The following AVEN variants were observed in gnomAD, a reference collection of about 807,000 sequenced individuals.
AVEN encodes cell death regulator Aven.
A neutral mutation model predicts 38.1 loss-of-function variants in AVEN; 41 were observed. That is an observed-to-expected ratio of 1.08 (90% confidence interval 0.84 to 1.40). The LOEUF (loss-of-function observed/expected upper bound fraction) is 1.40. Ranked by LOEUF, AVEN falls within the 40% of genes most tolerant of loss-of-function variation. AVEN has a pLI of 0.00. For synonymous variants in AVEN, 206 were observed against 171.8 expected (o/e 1.20, Z -1.56); for missense variants, 605 against 438.8 (o/e 1.38, Z -3.38).
intron 1 of AVEN, among the ~76,000 whole-genome samples, chr15:34,037,721 T>C (rs931413653): frequency 1.3e-4 from 20 of 152,040 alleles, no homozygotes; most frequent in African/African-American, 4.8e-4. Flanking sequence ...ATCTTAATCC[T>C]AACAAGATTT....
At chr15:34,003,767 T>C (rs1897227649) in intron 1 of AVEN, among the ~76,000 whole-genome samples, 1 of 152,238 alleles carries the variant, frequency 6.6e-6, no homozygotes, top group South Asian at 2.1e-4. Flanking sequence ...ACTACATTTA[T>C]ACATAAGATT....
Position 33,995,106 on chromosome 15 carries a change from T to G in AVEN, c.445+7926A>C, listed in dbSNP as rs544022981. 1.7e-4 allele frequency among the ~76,000 whole-genome samples: 26 copies of G among 151,926 alleles called. No individual in the cohort carries two copies. In the South Asian group the frequency reaches 5.2e-3, roughly 30 times the overall value. On this transcript the variant is annotated intron_variant, in intron 2 of 5. Coordinates refer to ENST00000306730, the MANE Select transcript of AVEN (RefSeq NM_020371.3). Reference sequence around the variant, plus strand: ...GCAAGGTCCTGTCTCTACAAAAAAATGAAGAAATCAGCCAGGTGTGGGTGG... The same window carrying G: ...GCAAGGTCCTGTCTCTACAAAAAAAGGAAGAAATCAGCCAGGTGTGGGTGG...
intron 2 of AVEN, among the ~76,000 whole-genome samples, chr15:33,964,260 C>G (rs1895305754): frequency 6.6e-6 from 1 of 152,140 alleles, no homozygotes; most frequent in Non-Finnish European, 1.5e-5. Context: ...AAAATCAGAG[C>G]TTTCTAAAGT....
intron 2 of AVEN, among the ~76,000 whole-genome samples, chr15:33,899,951 A>G (rs1449779484): frequency 6.7e-6 from 1 of 148,684 alleles, no homozygotes; most frequent in Non-Finnish European, 1.5e-5. Flanking sequence ...TTTTTTTTTC[A>G]CACACAAGTA....
intron 1 of AVEN, among the ~76,000 whole-genome samples, chr15:34,005,425 T>G (rs1822331766): frequency 6.8e-6 from 1 of 147,042 alleles, no homozygotes; most frequent in South Asian, 2.1e-4. Context: ...CATGGTATTA[T>G]TTACAGATTT....
At chr15:33,859,222 G>C (rs2080071095) in intron 11 of AVEN, 2 of 208,426 alleles carry the variant, frequency 9.6e-6, no homozygotes, top group Admixed American at 1.1e-4. Flanking sequence ...TTATAGCACA[G>C]CCTGAAGGCC....
At chr15:34,055,266 G>A (rs1900092483) in intron 5 of AVEN, among the ~76,000 whole-genome samples, 2 of 151,708 alleles carry the variant, frequency 1.3e-5, no homozygotes, top group African/African-American at 4.8e-5. Context: ...GGGAGGCCGA[G>A]GTGGGTGGAT....
At chr15:34,033,032 C>T (rs1473096446) in intron 1 of AVEN, among the ~76,000 whole-genome samples, 1 of 152,118 alleles carries the variant, frequency 6.6e-6, no homozygotes, top group African/African-American at 2.4e-5. Flanking sequence ...CTCCAACATT[C>T]CCATCTACCT....
chr15:33,879,597 A>C (rs912494704), intron 2 of AVEN, among the ~76,000 whole-genome samples: 1 of 152,204 alleles, frequency 6.6e-6, no homozygotes, highest in Non-Finnish European at 1.5e-5. Flanking sequence ...TCTCGAAAAT[A>C]ATAACATGCA....
At chr15:33,944,634 C>G (rs966757142) in intron 2 of AVEN, among the ~76,000 whole-genome samples, 1 of 151,988 alleles carries the variant, frequency 6.6e-6, no homozygotes, top group Non-Finnish European at 1.5e-5. Context: ...ATGGTGAAAC[C>G]CCGTCTCTAT....
At chr15:33,961,476 G>T (rs563831077) in intron 2 of AVEN, among the ~76,000 whole-genome samples, 2 of 151,968 alleles carry the variant, frequency 1.3e-5, no homozygotes, top group African/African-American at 4.8e-5. Context: ...TGCATCCTTG[G>T]GTGAATGCCA....
intron 2 of AVEN, among the ~76,000 whole-genome samples, chr15:33,956,108 G>A (rs191722036): frequency 2.0e-5 from 3 of 152,212 alleles, no homozygotes; most frequent in Non-Finnish European, 2.9e-5. Context: ...GTCTGCCTCC[G>A]CGGTGACCAG....
chr15:33,978,385 C>T (rs1895983840), intron 2 of AVEN, among the ~76,000 whole-genome samples: 1 of 152,086 alleles, frequency 6.6e-6, no homozygotes, highest in African/African-American at 2.4e-5. Flanking sequence ...GCGTACAGGC[C>T]GGGCACGATG....
At chr15:34,015,258 C>T (rs765684357) in intron 1 of AVEN, among the ~76,000 whole-genome samples, 6 of 152,080 alleles carry the variant, frequency 3.9e-5, no homozygotes, top group Non-Finnish European at 7.4e-5. Flanking sequence ...CCAAGGCAGG[C>T]GGGTCACGAG....
chr15:34,036,336 T>C (rs962068077), intron 1 of AVEN, among the ~76,000 whole-genome samples: 1 of 147,468 alleles, frequency 6.8e-6, no homozygotes, highest in Non-Finnish European at 1.5e-5. Context: ...TGTTTTCCAT[T>C]TGTATGCAGT....
Position 33,960,885 on chromosome 15 carries a change from CTGTT to C in AVEN, c.445+42143_445+42146del, listed in dbSNP as rs1241043425. On this transcript the variant is annotated intron_variant, in intron 2 of 5. Coordinates refer to ENST00000306730, the MANE Select transcript of AVEN (RefSeq NM_020371.3). ...CAATGCACATGTTTTAGGTGCTAAA[CTGTT>C]TGTTCAACTGAGGACTAAAGTACCA... 2.6e-5 allele frequency among the ~76,000 whole-genome samples: 4 copies of C among 152,214 alleles called. 1 individual carries two copies. The highest frequency in any genetic ancestry group is 3.9e-4 in the East Asian group (2 of 5,194).
At chr15:33,857,874 A>C, downstream of AVEN, 1 of 1,614,198 alleles carries the variant, frequency 6.2e-7, no homozygotes, top group Non-Finnish European at 8.5e-7. Context: ...AAAAGCGAAG[A>C]CGATGACGAG....
chr15:33,898,047 G>C (rs1423213670), intron 2 of AVEN, among the ~76,000 whole-genome samples: 1 of 152,058 alleles, frequency 6.6e-6, no homozygotes, highest in Non-Finnish European at 1.5e-5. Context: ...AAATTAGCTG[G>C]GCGTGGTGGT....
At chr15:33,949,702 T>C (rs1015652716) in intron 2 of AVEN, among the ~76,000 whole-genome samples, 2 of 152,188 alleles carry the variant, frequency 1.3e-5, no homozygotes, top group African/African-American at 4.8e-5. Flanking sequence ...TGAATTATAC[T>C]CTTAAAATGA....
Sources: gnomAD v4.1 joint callset for allele counts (sites outside exome capture counted in the v4.1 genomes callset) on GRCh38, gnomAD v4.1.1 for gene constraint, MANE v1.5 for transcripts, NCBI Gene and HGNC (gene_info 2026-07-23, HGNC 2026-07-21) for gene names.